FBXO16: variants seen among roughly 807,000 people sequenced by gnomAD.
The protein encoded by FBXO16 is F-box only protein 16.
Under a neutral mutation model 41.0 loss-of-function variants are expected in FBXO16, and 31 were observed. That is an observed-to-expected ratio of 0.76 (90% confidence interval 0.57 to 1.02). The LOEUF (loss-of-function observed/expected upper bound fraction) is 1.02. FBXO16 is among the 50% of genes least tolerant of loss of function. The probability of loss-of-function intolerance (pLI) is 0.00; values close to 1 mark genes in which losing one functional copy is unlikely to be tolerated. For missense variants in FBXO16, 361 were observed against 346.2 expected (o/e 1.04, Z -0.34); for synonymous variants, 133 against 117.8 (o/e 1.13, Z -0.84).
At position 28,463,819 on chromosome 8, in the gene FBXO16, CT is replaced by C; in HGVS notation, c.136-2del. 1 of 1,613,066 alleles carries C rather than the reference CT, an allele frequency of 6.2e-7. No individual in the cohort carries two copies. Among genetic ancestry groups the C allele is most frequent in the Non-Finnish European group, 8.5e-7 (1 of 1,179,782 alleles). On this transcript the variant is annotated splice_acceptor_variant, in intron 3 of 8. Transcript: ENST00000380254. LOFTEE classifies it high-confidence loss of function. Reference sequence around the variant, plus strand: ...TTTGAGAGTCTGTCCATTTGTCAAACTGGAAACACAAAACAAAGCAAAATGT... The same window carrying C: ...TTTGAGAGTCTGTCCATTTGTCAAACGGAAACACAAAACAAAGCAAAATGT...
At chr8:28,441,152 T>C (rs1385590376) in intron 7 of FBXO16, among the ~76,000 whole-genome samples, 1 of 152,144 alleles carries the variant, frequency 6.6e-6, no homozygotes, top group Non-Finnish European at 1.5e-5. Context: ...TGGTATCTAA[T>C]ACTGTTCCCG....
chr8:28,428,821 A>C (rs1028008865), intron 8 of FBXO16, 85 bp from the exon 9 acceptor site: 32 of 1,398,958 alleles, frequency 2.3e-5, no homozygotes, highest in Non-Finnish European at 3.0e-5. Context: ...TAATGACATA[A>C]AACGATTTTA....
At chr8:28,463,194 TTGTGTATGTGTTTG>T (rs1236685631) in intron 4 of FBXO16, among the ~76,000 whole-genome samples, 1 of 149,568 alleles carries the variant, frequency 6.7e-6, no homozygotes, top group African/African-American at 2.5e-5. Context: ...GTGTGTATGT[TTGTGTATGTGTTTG>T]TGTGTTTATG....
At chr8:28,459,438 C>T (rs1274645933) in intron 4 of FBXO16, among the ~76,000 whole-genome samples, 7 of 150,904 alleles carry the variant, frequency 4.6e-5, no homozygotes, top group Non-Finnish European at 8.9e-5. Flanking sequence ...GCCAACATGG[C>T]GAAACCCCGT....
intron 3 of FBXO16, among the ~76,000 whole-genome samples, chr8:28,471,588 T>A (rs1803335348): frequency 6.6e-6 from 1 of 152,026 alleles, no homozygotes; most frequent in Non-Finnish European, 1.5e-5. Context: ...GCCCAATTCA[T>A]TGGGTTTTTG....
At position 28,434,455 on chromosome 8, in the gene FBXO16, T is replaced by C. The variant is rs73574605; in HGVS notation, c.844-5052A>G. Among the ~76,000 whole-genome samples, 1,403 of 152,322 alleles carry C rather than the reference T, an allele frequency of 9.2e-3. 17 individuals carry two copies. Among genetic ancestry groups the C allele is most frequent in the African/African-American group, 0.031 (1,284 of 41,568 alleles). Reference sequence around the variant, plus strand: ...AGCACCTGCTTTGTGCCAGTCCTTCTTCTAGGAATACCAATGACAGTAATA... The same window carrying C: ...AGCACCTGCTTTGTGCCAGTCCTTCCTCTAGGAATACCAATGACAGTAATA... On this transcript the variant is annotated intron_variant, in intron 7 of 8. Coordinates refer to ENST00000380254, the MANE Select transcript of FBXO16 (RefSeq NM_172366.4).
chr8:28,452,205 T>C (rs780246751), intron 6 of FBXO16, 39 bp downstream of exon 6: 57 of 1,562,564 alleles, frequency 3.6e-5, no homozygotes, highest in Non-Finnish European at 4.8e-5. Flanking sequence ...AAATTATTTC[T>C]AAAAACGAAG....
intron 3 of FBXO16, chr8:28,465,441 C>A (rs1401939565): frequency 2.2e-6 from 1 of 448,406 alleles, no homozygotes; most frequent in Non-Finnish European, 4.5e-6. Flanking sequence ...CGAGCAACAC[C>A]CCATCTGCAC....
chr8:28,483,465 T>A lies in FBXO16; in HGVS notation c.-16-3A>T. On this transcript the variant is annotated splice_region_variant and splice_polypyrimidine_tract_variant and intron_variant, in intron 1 of 8. Transcript: ENST00000380254. ...CCATCATGAAACAACTGGATATCCT[T>A]CCATAAGAAAAACAACACCTATCAG... 1 of 1,599,590 alleles carries A rather than the reference T, an allele frequency of 6.3e-7. No individual in the cohort carries two copies. Among genetic ancestry groups the A allele is most frequent in the Non-Finnish European group, 8.6e-7 (1 of 1,169,398 alleles).
chr8:28,457,080 T>C (rs1300417650), intron 4 of FBXO16, 150 bp from the exon 5 acceptor site: 20 of 716,450 alleles, frequency 2.8e-5, no homozygotes, highest in Non-Finnish European at 1.1e-5. Context: ...GGTTACCTCC[T>C]ACCTGAAGTG....
At chr8:28,456,603 G>A in intron 5 of FBXO16, 163 bp downstream of exon 5, 2 of 832,612 alleles carry the variant, frequency 2.4e-6, no homozygotes, top group Admixed American at 2.6e-5. Flanking sequence ...TGAATGTCTT[G>A]AAAACAACTA....
chr8:28,450,222 G>A (rs1046538534), intron 6 of FBXO16, among the ~76,000 whole-genome samples: 2 of 152,108 alleles, frequency 1.3e-5, no homozygotes, highest in African/African-American at 4.8e-5. Context: ...GTGGGGCAAA[G>A]GACAGTCTTT....
At chr8:28,475,208 A>G (rs1006831274) in intron 2 of FBXO16, among the ~76,000 whole-genome samples, 1 of 152,148 alleles carries the variant, frequency 6.6e-6, no homozygotes, top group African/African-American at 2.4e-5. Context: ...TATGCTTCCC[A>G]CACATCATGC....
chr8:28,476,766 G>C (rs1803429953), intron 2 of FBXO16, among the ~76,000 whole-genome samples: 1 of 152,006 alleles, frequency 6.6e-6, no homozygotes, highest in African/African-American at 2.4e-5. Flanking sequence ...ATGGTAACTG[G>C]GTGCTTTTTC....
chr8:28,470,729 T>C (rs1803321821), intron 3 of FBXO16, among the ~76,000 whole-genome samples: 1 of 152,260 alleles, frequency 6.6e-6, no homozygotes, highest in African/African-American at 2.4e-5. Flanking sequence ...ATGCTTGTTG[T>C]TCATTTTTTA....
At chr8:28,487,959 C>A (rs1803629584) in intron 1 of FBXO16, among the ~76,000 whole-genome samples, 1 of 151,618 alleles carries the variant, frequency 6.6e-6, no homozygotes, top group Non-Finnish European at 1.5e-5. Flanking sequence ...TTCAAGCAAT[C>A]CTCCTGCCTC....
At chr8:28,476,092 C>G (rs1322301344) in intron 2 of FBXO16, among the ~76,000 whole-genome samples, 1 of 152,116 alleles carries the variant, frequency 6.6e-6, no homozygotes, top group Non-Finnish European at 1.5e-5. Context: ...GAAGAGACTA[C>G]AACAGAGCTT....
intron 7 of FBXO16, among the ~76,000 whole-genome samples, chr8:28,432,168 T>A (rs1017644555): frequency 2.1e-5 from 3 of 144,120 alleles, no homozygotes; most frequent in African/African-American, 7.7e-5. Flanking sequence ...TGTGTGTGTG[T>A]GACTGTTACA....
At chr8:28,487,825 C>T (rs748328270) in intron 1 of FBXO16, among the ~76,000 whole-genome samples, 44 of 151,958 alleles carry the variant, frequency 2.9e-4, no homozygotes, top group Non-Finnish European at 5.3e-4. Flanking sequence ...CCTGTAAGGA[C>T]TACCTTTGAA....
Sources: gnomAD v4.1 joint callset for allele counts (sites outside exome capture counted in the v4.1 genomes callset) on GRCh38, gnomAD v4.1.1 for gene constraint, MANE v1.5 for transcripts, NCBI Gene and HGNC (gene_info 2026-07-23, HGNC 2026-07-21) for gene names.